Variants in TC2N observed in about 807,000 individuals in gnomAD.
TC2N encodes the protein tandem C2 domains nuclear protein.
TC2N carries 51 observed loss-of-function variants against 61.9 expected under a neutral mutation model. The ratio of observed to expected loss-of-function variants is 0.82; its 90% CI spans 0.66 to 1.04. TC2N has a LOEUF of 1.04. TC2N is among the 50% of genes least tolerant of loss of function. The pLI, the probability that TC2N is intolerant of heterozygous loss-of-function variation, is 0.00. For missense variants in TC2N, 556 were observed against 566.7 expected, an observed-to-expected ratio of 0.98 and a Z score of 0.19; for synonymous variants, 204 against 192.6, an observed-to-expected ratio of 1.06 and a Z score of -0.49.
chr14:91,853,649 TACACACACACACACAC>T, intron 1 of TC2N, among the ~76,000 whole-genome samples: 1 of 103,080 alleles, frequency 9.7e-6, no homozygotes, highest in Non-Finnish European at 1.9e-5. Context: ...TTTTTTAAAG[TACACACACACACACAC>T]ACACACACAC....
At chr14:91,863,253 C>T (rs182874751) in intron 1 of TC2N, among the ~76,000 whole-genome samples, 5 of 152,356 alleles carry the variant, frequency 3.3e-5, no homozygotes, top group Admixed American at 2.6e-4. Flanking sequence ...GTTTCAGTGA[C>T]ATTACCAAAC....
intron 1 of TC2N, among the ~76,000 whole-genome samples, chr14:91,848,481 C>A (rs1217229104): frequency 1.3e-5 from 2 of 152,200 alleles, no homozygotes; most frequent in African/African-American, 4.8e-5. Flanking sequence ...CCTTCATCAG[C>A]CATCTGCGTA....
At chr14:91,839,901 C>T (rs1300324774) in intron 1 of TC2N, among the ~76,000 whole-genome samples, 1 of 152,212 alleles carries the variant, frequency 6.6e-6, no homozygotes, top group East Asian at 1.9e-4. Flanking sequence ...CAATTCCTCT[C>T]CCTGGGCATG....
chr14:91,847,023 C>A (rs868106003), intron 1 of TC2N, among the ~76,000 whole-genome samples: 8 of 152,134 alleles, frequency 5.3e-5, no homozygotes, highest in Non-Finnish European at 7.4e-5. Context: ...TTTGGGAGGC[C>A]GAGGCAGGCG....
chr14:91,862,144 C>T (rs1292852545), intron 1 of TC2N, among the ~76,000 whole-genome samples: 3 of 151,532 alleles, frequency 2.0e-5, no homozygotes, highest in Non-Finnish European at 4.4e-5. Context: ...TTGAGACCGG[C>T]CTGGGCAACA....
At chr14:91,821,819 A>T (rs1281875148) in intron 1 of TC2N, among the ~76,000 whole-genome samples, 1 of 152,160 alleles carries the variant, frequency 6.6e-6, no homozygotes, top group Non-Finnish European at 1.5e-5. Flanking sequence ...AAAGAAAAAT[A>T]ACCCAATTAA....
intron 1 of TC2N, among the ~76,000 whole-genome samples, chr14:91,822,612 C>T (rs1005119638): frequency 2.0e-5 from 3 of 151,206 alleles, no homozygotes; most frequent in Non-Finnish European, 2.9e-5. Flanking sequence ...GAGGCTGCCT[C>T]GGGACAGTGA....
Position 91,845,835 on chromosome 14 carries a change from T to C in TC2N, c.-57+21427A>G, listed in dbSNP as rs374643457. On this transcript the variant is annotated intron_variant, in intron 1 of 11. Transcript: ENST00000435962. ...CTGCAGTCTACACCTGATTCTCTAA[T>C]TACTTCCTCAATGGTATATCTATCC... 2.0e-4 allele frequency among the ~76,000 whole-genome samples: 31 copies of C among 152,340 alleles called. No individual in the cohort carries two copies. In the East Asian group the frequency reaches 2.3e-3, roughly 11 times the overall value.
chr14:91,864,105 G>T (rs748173236), intron 1 of TC2N, among the ~76,000 whole-genome samples: 1 of 152,120 alleles, frequency 6.6e-6, no homozygotes, highest in South Asian at 2.1e-4. Context: ...ATTTGGTGGG[G>T]GTCTGGGTTT....
chr14:91,855,305 C>T (rs745377179), intron 1 of TC2N, among the ~76,000 whole-genome samples: 5 of 152,168 alleles, frequency 3.3e-5, no homozygotes, highest in Non-Finnish European at 5.9e-5. Flanking sequence ...AAACAACAGA[C>T]GTTTATTCTC....
In TC2N at chr14:91,785,162, C is replaced by A. The variant is rs1457069437; in HGVS notation, c.1362G>T (p.Gln454His). Residue 454 changes from glutamine to histidine, a missense_variant and splice_region_variant, in exon 11 of 12, where the codon CAG becomes CAT. Transcript: ENST00000435962. Reference protein sequence around the residue: ...SSVRRKHFVGQIWISEDSNNI... With the variant: ...SSVRRKHFVGHIWISEDSNNI... ...AGGAAGGATAAAAACTCCTACTAACCTGGCCCACAAAGTGTTTTCTTCTTA... is the reference window on the plus strand; with the variant it reads ...AGGAAGGATAAAAACTCCTACTAACATGGCCCACAAAGTGTTTTCTTCTTA... 1.2e-6 allele frequency: 2 copies of A among 1,609,256 alleles called. No homozygotes were observed. Among genetic ancestry groups the A allele is most frequent in the South Asian group, 2.2e-5 (2 of 90,554 alleles).
intron 1 of TC2N, among the ~76,000 whole-genome samples, chr14:91,844,760 CAAAAAAAAAAA>C (rs34223127): frequency 0.62 from 56,800 of 92,166 alleles, 13,458 homozygotes; most frequent in Admixed American, 0.66. Context: ...GACTCTGTCT[CAAAAAAAAAAA>C]AAAAAAAAAA....
rs1203856316 is a variant in TC2N, at chr14:91,864,206, T to G, written c.-57+3056A>C. The stretch of plus-strand genomic sequence containing the variant: ...TCGCAACTCTAACTTCCCTGGCTAT[T>G]GTTTTAAGCTACTATTACCTTCTTG... On this transcript the variant is annotated intron_variant, in intron 1 of 11. Coordinates refer to ENST00000435962, the MANE Select transcript of TC2N (RefSeq NM_001128596.3). Among the ~76,000 whole-genome samples the G allele has an allele frequency of 4.6e-5, 7 of 152,320 alleles. 1 individual carries two copies. The Middle Eastern group carries it at 0.01, about 222-fold the overall frequency.
intron 9 of TC2N, among the ~76,000 whole-genome samples, chr14:91,789,623 C>CAAAAAAAA (rs1005842920): frequency 7.6e-6 from 1 of 132,220 alleles, no homozygotes. Flanking sequence ...AAACAAAAAA[C>CAAAAAAAA]AAAAAAAAAA....
chr14:91,863,471 T>C (rs1888633905), intron 1 of TC2N, among the ~76,000 whole-genome samples: 1 of 152,082 alleles, frequency 6.6e-6, no homozygotes, highest in Non-Finnish European at 1.5e-5. Context: ...ACAAGCAAAA[T>C]TGTAAATCGA....
At chr14:91,784,012 T>C (rs1885244948) in intron 11 of TC2N, among the ~76,000 whole-genome samples, 1 of 152,124 alleles carries the variant, frequency 6.6e-6, no homozygotes, top group African/African-American at 2.4e-5. Flanking sequence ...ATTAGAGTAC[T>C]TTCGTTGATA....
chr14:91,810,573 A>G (rs75813378), intron 3 of TC2N, among the ~76,000 whole-genome samples: 2,958 of 152,284 alleles, frequency 0.019, 97 homozygotes, highest in African/African-American at 0.067. Flanking sequence ...AAGAAAAAAG[A>G]CAATCCACAG....
chr14:91,856,566 A>G (rs1222261101), intron 1 of TC2N, among the ~76,000 whole-genome samples: 1 of 151,756 alleles, frequency 6.6e-6, no homozygotes, highest in Non-Finnish European at 1.5e-5. Flanking sequence ...GGGAGGCTTC[A>G]TGTGGTATCA....
chr14:91,855,291 C>G, intron 1 of TC2N, among the ~76,000 whole-genome samples: 1 of 152,210 alleles, frequency 6.6e-6, no homozygotes, highest in East Asian at 1.9e-4. Context: ...AACCGAGTGG[C>G]TTAAAACAAC....
Sources: allele counts gnomAD v4.1 joint callset (sites outside exome capture counted in the v4.1 genomes callset), GRCh38; gene constraint gnomAD v4.1.1; transcripts MANE v1.5; gene names NCBI Gene and HGNC (gene_info 2026-07-23, HGNC 2026-07-21).